The following HDAC9 variants were observed in gnomAD, a reference collection of about 807,000 sequenced individuals.
HDAC9 encodes the protein MEF-2 interacting transcription repressor (MITR) protein.
A neutral mutation model predicts 139.4 loss-of-function variants in HDAC9; 41 were observed. That is an observed-to-expected ratio of 0.29 (90% CI 0.23 to 0.38). The LOEUF (loss-of-function observed/expected upper bound fraction) is 0.38, where lower values mean the gene tolerates loss of function less well. Ranked by LOEUF, HDAC9 falls within the 10% of genes least tolerant of loss-of-function variation. HDAC9 has a pLI of 1.00. For missense variants in HDAC9, 1,147 were observed against 1,297.0 expected (o/e 0.88, Z 1.78); for synonymous variants, 517 against 476.2 (o/e 1.09, Z -1.12).
intron 1 of HDAC9, among the ~76,000 whole-genome samples, chr7:18,416,338 C>A (rs1421401150): frequency 6.6e-6 from 1 of 151,908 alleles, no homozygotes; most frequent in Non-Finnish European, 1.5e-5. Context: ...AATTTTACAT[C>A]TATGTTCATG....
intron 23 of HDAC9, among the ~76,000 whole-genome samples, chr7:18,952,965 A>G (rs1782903995): frequency 6.6e-6 from 1 of 151,958 alleles, no homozygotes; most frequent in Non-Finnish European, 1.5e-5. Flanking sequence ...CTAGTCTGTT[A>G]TCCTGTGGCA....
At chr7:18,952,877 A>G (rs1388093477) in intron 23 of HDAC9, among the ~76,000 whole-genome samples, 1 of 151,702 alleles carries the variant, frequency 6.6e-6, no homozygotes, top group East Asian at 1.9e-4. Context: ...GATGTTTAAA[A>G]GTTTTTCTTT....
At chr7:18,508,754 G>T (rs1800555559) in intron 2 of HDAC9, among the ~76,000 whole-genome samples, 1 of 152,148 alleles carries the variant, frequency 6.6e-6, no homozygotes, top group African/African-American at 2.4e-5. Flanking sequence ...AGAAGTCTTA[G>T]AACATTTTCT....
chr7:18,165,404 A>G (rs1787934540), intron 2 of HDAC9, among the ~76,000 whole-genome samples: 1 of 152,176 alleles, frequency 6.6e-6, no homozygotes, highest in Non-Finnish European at 1.5e-5. Context: ...ACAAAAACAC[A>G]TCATAAAGTC....
intron 6 of HDAC9, among the ~76,000 whole-genome samples, chr7:18,614,498 T>C (rs1838051859): frequency 6.6e-6 from 1 of 152,176 alleles, no homozygotes; most frequent in Non-Finnish European, 1.5e-5. Flanking sequence ...TCTTTTCAGA[T>C]GTATTTTTTT....
chr7:18,477,211 A>T (rs1009655551), intron 1 of HDAC9, among the ~76,000 whole-genome samples: 1 of 152,200 alleles, frequency 6.6e-6, no homozygotes, highest in African/African-American at 2.4e-5. Context: ...ATTATAGTCA[A>T]CTATGACTAA....
chr7:18,281,776 A>G (rs1279414582), intron 2 of HDAC9, among the ~76,000 whole-genome samples: 5 of 152,224 alleles, frequency 3.3e-5, no homozygotes, highest in Non-Finnish European at 5.9e-5. Context: ...TCAGAAAATA[A>G]CATTTCAAGG....
intron 2 of HDAC9, among the ~76,000 whole-genome samples, chr7:18,273,056 GTTTTTTT>G (rs746089054): frequency 7.7e-4 from 65 of 84,750 alleles, no homozygotes; most frequent in Non-Finnish European, 1.2e-3. Flanking sequence ...CCCCTTCTTC[GTTTTTTT>G]TTTTTTTTTT....
chr7:18,985,720 C>A (rs1484750530), intron 25 of HDAC9, among the ~76,000 whole-genome samples: 1 of 144,548 alleles, frequency 6.9e-6, no homozygotes, highest in Non-Finnish European at 1.5e-5. Context: ...TCCACATCCT[C>A]TCCAGCACCT....
chr7:18,860,793 A>C (rs144934976), intron 21 of HDAC9, among the ~76,000 whole-genome samples: 1 of 152,308 alleles, frequency 6.6e-6, no homozygotes, highest in East Asian at 1.9e-4. Flanking sequence ...TGGAACTATA[A>C]GGAAGGGTGT....
chr7:18,623,193 G>A (rs1378532090), intron 6 of HDAC9, among the ~76,000 whole-genome samples: 1 of 151,616 alleles, frequency 6.6e-6, no homozygotes, highest in Non-Finnish European at 1.5e-5. Flanking sequence ...CATAGTAGGT[G>A]GTCCTTCTTA....
intron 1 of HDAC9, among the ~76,000 whole-genome samples, chr7:18,478,889 G>C (rs1250658773): frequency 2.0e-5 from 3 of 152,078 alleles, no homozygotes; most frequent in African/African-American, 7.2e-5. Context: ...CTAATGTGCT[G>C]TAACATATTT....
Position 18,215,069 on chromosome 7 carries a change from T to C in HDAC9, c.25+52720T>C, listed in dbSNP as rs926570241. On this transcript the variant is annotated intron_variant, in intron 2 of 12. Transcript: ENST00000417496. ...CAAAGAGTTGGTGTTATTTGTTGTT[T>C]CTTGGAAATGAAAGGGAGAAACAGA... Among the ~76,000 whole-genome samples the C allele has an allele frequency of 1.1e-4, 16 of 152,280 alleles. No individual in the cohort carries two copies. In the East Asian group the frequency reaches 2.9e-3, roughly 28 times the overall value.
At chr7:18,700,565 G>A (rs773598173) in intron 12 of HDAC9, among the ~76,000 whole-genome samples, 8 of 152,154 alleles carry the variant, frequency 5.3e-5, no homozygotes, top group Non-Finnish European at 1.2e-4. Context: ...TATTGAGTTG[G>A]CAACCTTTTG....
intron 1 of HDAC9, among the ~76,000 whole-genome samples, chr7:18,473,099 T>G (rs1794847166): frequency 6.6e-6 from 1 of 152,198 alleles, no homozygotes; most frequent in Non-Finnish European, 1.5e-5. Context: ...TCACTGGCCT[T>G]GCTGAATCTC....
chr7:18,857,198 T>C (rs1232376494), intron 21 of HDAC9, among the ~76,000 whole-genome samples: 3 of 151,912 alleles, frequency 2.0e-5, no homozygotes, highest in Admixed American at 2.0e-4. Flanking sequence ...TTGCTTCTCT[T>C]TTTTTATTTT....
intron 2 of HDAC9, among the ~76,000 whole-genome samples, chr7:18,207,559 A>ATTTTTTTTTTTTTTTTTTT (rs1584636090): frequency 8.6e-4 from 32 of 37,324 alleles, no homozygotes; most frequent in African/African-American, 2.2e-3. Flanking sequence ...TTTTTTTTTG[A>ATTTTTTTTTTTTTTTTTTT]TTTGAGCTTT....
chr7:18,831,375 G>A (rs139075091), intron 19 of HDAC9, among the ~76,000 whole-genome samples: 2 of 152,190 alleles, frequency 1.3e-5, no homozygotes, highest in African/African-American at 4.8e-5. Flanking sequence ...TACAGTATAG[G>A]AATAAAAGAC....
intron 6 of HDAC9, among the ~76,000 whole-genome samples, chr7:18,622,039 A>G (rs989997899): frequency 6.6e-6 from 1 of 152,204 alleles, no homozygotes; most frequent in Non-Finnish European, 1.5e-5. Context: ...TGAATAGGTG[A>G]TAGATTATAA....
Sources: gnomAD v4.1 joint callset for allele counts (sites outside exome capture counted in the v4.1 genomes callset) on GRCh38, gnomAD v4.1.1 for gene constraint, MANE v1.5 for transcripts, NCBI Gene and HGNC (gene_info 2026-07-23, HGNC 2026-07-21) for gene names.